Variants in TTN observed in about 807,000 individuals in gnomAD.
TTN encodes the protein connectin.
Under a neutral mutation model 3,223.0 loss-of-function variants are expected in TTN, and 1,525 were observed. The observed-to-expected ratio is 0.47, with a 90% confidence interval of 0.45 to 0.49. The LOEUF is 0.49. Ranked by LOEUF, TTN falls within the 20% of genes least tolerant of loss-of-function variation. The probability of loss-of-function intolerance (pLI) is 0.00; values close to 1 mark genes in which losing one functional copy is unlikely to be tolerated. For missense variants in TTN, 40,786 were observed against 43,424.0 expected, an observed-to-expected ratio of 0.94 and a Z score of 5.40; for synonymous variants, 14,094 against 15,161.0, an observed-to-expected ratio of 0.93 and a Z score of 5.17.
At position 178,639,805 on chromosome 2, in the gene TTN, A is replaced by AT; in HGVS notation, c.40787-18dup. On this transcript the variant is annotated splice_polypyrimidine_tract_variant and intron_variant, in intron 222 of 362. Transcript: ENST00000589042. ...TTTTCACTTCTGTAGAGAGAAGTCC[A>AT]TTGCATTAGTGTATCAATTTGTCAC... 1.3e-6 allele frequency: 2 copies of AT among 1,565,462 alleles called. No homozygotes were observed. Among genetic ancestry groups the AT allele is most frequent in the Non-Finnish European group, 1.7e-6 (2 of 1,160,296 alleles).
Position 178,683,888 on chromosome 2 carries a change from G to T in TTN, c.32806+111C>A, listed in dbSNP as rs143658013. ...TGATATGCATTAACAAACTTATATT[G>T]CTTACTTTATACTATGTCTTTTTTT... is the stretch of plus-strand genomic sequence containing the variant. On this transcript the variant is annotated intron_variant, in intron 133 of 362. Coordinates refer to ENST00000589042, the MANE Select transcript of TTN (RefSeq NM_001267550.2). 1.2e-3 allele frequency: 822 copies of T among 708,988 alleles called. 10 individuals carry two copies. In the East Asian group the frequency reaches 0.023, roughly 20 times the overall value. The allele number at this position is 708,988 out of a possible 1,614,324, so 43.9% of individuals were successfully genotyped here. A position where few individuals can be genotyped will look rare whatever the true frequency, so the allele number is the denominator to read the frequency against.
intron 49 of TTN, 21 bp from the exon 50 acceptor site, chr2:178,736,095 G>A: frequency 6.5e-7 from 1 of 1,535,120 alleles, no homozygotes. Flanking sequence ...AATTTTTCCA[G>A]CATTACATTT....
At chr2:178,693,788 C>A in intron 118 of TTN, 99 bp from the exon 119 acceptor site, 1 of 1,241,074 alleles carries the variant, frequency 8.1e-7, no homozygotes, top group Non-Finnish European at 1.1e-6. Flanking sequence ...CAGAGACAAA[C>A]ATGAAATGAA....
rs2054482101 is a variant in TTN at position 178,605,153 on chromosome 2, T to C, written c.54024A>G (p.Glu18008=). 1.3e-5 allele frequency: 21 copies of C among 1,612,592 alleles called. No individual in the cohort carries two copies. Among genetic ancestry groups the C allele is most frequent in the Non-Finnish European group, 1.8e-5 (21 of 1,179,166 alleles). The change falls in exon 280 of 363, where the codon GAA becomes GAG. Residue 18008 remains glutamate (E), a synonymous_variant. Transcript: ENST00000589042. ...IEWSKNETVI[E]KPTDALQITK... ...TTATCTGAAGTGCATCAGTGGGTTTTTCAATTACAGTTTCATTTTTGGACC... is the reference window on the plus strand; with the variant it reads ...TTATCTGAAGTGCATCAGTGGGTTTCTCAATTACAGTTTCATTTTTGGACC...
Position 178,579,834 on chromosome 2 carries a change from C to G in TTN, c.67363G>C (p.Val22455Leu), listed in dbSNP as rs759848349. 3.1e-6 allele frequency: 5 copies of G among 1,613,086 alleles called. No homozygotes were observed. Among genetic ancestry groups the G allele is most frequent in the South Asian group, 1.1e-5 (1 of 91,050 alleles). The change falls in exon 319 of 363, where the codon GTT (valine) becomes CTT (leucine). Residue 22455 changes from valine (V) to leucine (L), a missense_variant. Transcript: ENST00000589042. ...AVKASQTPGP[V>L]VDLKVRSVSK... Reference sequence around the variant, plus strand: ...ACAGACCTCACTTTCAGGTCCACAACTGGTCCAGGAGTTTCTAAAGCAAAG... The same window carrying G: ...ACAGACCTCACTTTCAGGTCCACAAGTGGTCCAGGAGTTTCTAAAGCAAAG...
chr2:178,644,428 G>A, intron 218 of TTN, 120 bp downstream of exon 218: 2 of 718,882 alleles, frequency 2.8e-6, no homozygotes, highest in East Asian at 3.2e-5. Context: ...TATAAGAAAT[G>A]AATGGGACTA....
At chr2:178,748,136 A>G (rs1287989939) in intron 47 of TTN, 3 of 1,613,216 alleles carry the variant, frequency 1.9e-6, no homozygotes, top group Admixed American at 1.7e-5. Context: ...TCCATTTTCT[A>G]GAGGACAACT....
At chr2:178,721,519 G>A (rs1307949086) in intron 78 of TTN, among the ~76,000 whole-genome samples, 5 of 151,680 alleles carry the variant, frequency 3.3e-5, no homozygotes, top group Non-Finnish European at 7.4e-5. Flanking sequence ...ATGTATTATA[G>A]ATGTATTTGA....
At position 178,573,806 on chromosome 2, in the gene TTN, C is replaced by G. The variant is rs1165671355; in HGVS notation, c.72326G>C (p.Gly24109Ala). ...AYTLTATNPG[G>A]FAKHIFNVKV... ...GACATTGAAAATGTGTTTAGCAAAG[C>G]CACCAGGATTAGTCGCTGTAAGGGT... Residue 24109 changes from glycine (G) to alanine (A), a missense_variant, in exon 326 of 363, where the codon GGC becomes GCC. By Grantham distance (60) the Gly-to-Ala change is moderately conservative. Transcript: ENST00000589042. 3 of 1,611,122 alleles carry G rather than the reference C, an allele frequency of 1.9e-6. No homozygotes were observed. The highest frequency in any genetic ancestry group is 2.5e-6 in the Non-Finnish European group (3 of 1,178,204).
At chr2:178,650,100 A>G (rs1185297813) in intron 210 of TTN, 64 bp downstream of exon 210, 5 of 1,452,490 alleles carry the variant, frequency 3.4e-6, no homozygotes, top group Non-Finnish European at 4.7e-6. Flanking sequence ...TGCCTTAAGG[A>G]AGATATATAG....
At position 178,580,481 on chromosome 2, in the gene TTN, CAT is replaced by C; in HGVS notation, c.66896_66897del (p.Asn22299SerfsTer15). 1 of 1,613,006 alleles carries C rather than the reference CAT, an allele frequency of 6.2e-7. No homozygotes were observed. The highest frequency in any genetic ancestry group is 8.5e-7 in the Non-Finnish European group (1 of 1,179,388). ...PPPKITWSKPNVNLRDRIGLD... is the reference protein window; with the variant it reads ...PPPKITWSKPXVNLRDRIGLD... ...AGTCCAATCCTGTCTCTTAGATTGACATTTGGTTTAGACCAAGTAATCTTTGG... is the reference window on the plus strand; with the variant it reads ...AGTCCAATCCTGTCTCTTAGATTGACTTGGTTTAGACCAAGTAATCTTTGG... On this transcript the variant is annotated frameshift_variant, in exon 317 of 363. Transcript: ENST00000589042. LOFTEE classifies it high-confidence loss of function.
chr2:178,595,548 A>G lies in TTN; in HGVS notation c.57806T>C (p.Phe19269Ser). The change falls in exon 295 of 363, where the codon TTT becomes TCT. Residue 19269 changes from phenylalanine (F) to serine (S), a missense_variant. Phe to Ser is a radical substitution (Grantham distance 155, BLOSUM62 -2). Coordinates refer to ENST00000589042, the MANE Select transcript of TTN (RefSeq NM_001267550.2). ...AAENSIGMGP[F>S]VETSEALVIR... is the part of the protein sequence containing the mutation. ...AACAAGTGCCTCTGATGTCTCAACAAATGGACCCATGCCAATACTATTTTC... is the reference window on the plus strand; with the variant it reads ...AACAAGTGCCTCTGATGTCTCAACAGATGGACCCATGCCAATACTATTTTC... 2 of 1,567,898 alleles carry G rather than the reference A, an allele frequency of 1.3e-6. No homozygotes were observed. The highest frequency in any genetic ancestry group is 1.7e-6 in the Non-Finnish European group (2 of 1,154,878).
rs1437200210 is a variant in TTN, at chr2:178,704,763, G to C, written c.29709C>G (p.Ile9903Met). 3 of 1,609,858 alleles carry C rather than the reference G, an allele frequency of 1.9e-6. No homozygotes were observed. The highest frequency in any genetic ancestry group is 2.7e-5 in the African/African-American group (2 of 74,872). Residue 9903 changes from isoleucine to methionine, a missense_variant, in exon 105 of 363, where the codon ATC becomes ATG. Transcript: ENST00000589042. ...RLSQTEPVTL[I>M]KDIENQTVLK... ...AAACTGTCTGATTTTCAATGTCCTT[G>C]ATCAGAGTGACAGGCTAGGAGAATA...
chr2:178,579,472 G>A (rs890445070), intron 319 of TTN, 79 bp from the exon 320 acceptor site: 9 of 1,568,126 alleles, frequency 5.7e-6, no homozygotes, highest in African/African-American at 4.1e-5. Flanking sequence ...AGCTTTTAAC[G>A]GATTTTTAGA....
At chr2:178,558,764 CT>C in intron 326 of TTN, 127 bp from the exon 327 acceptor site, 1 of 1,073,382 alleles carries the variant, frequency 9.3e-7, no homozygotes, top group Non-Finnish European at 1.3e-6. Context: ...TTTAGTCTTC[CT>C]TTTTACATAA....
In TTN at chr2:178,636,025, G is replaced by A. The variant is rs759603723; in HGVS notation, c.41546C>T (p.Thr13849Ile). The A allele has an allele frequency of 6.2e-7, 1 of 1,613,122 alleles. No homozygotes were observed. Among genetic ancestry groups the A allele is most frequent in the Admixed American group, 1.7e-5 (1 of 59,982 alleles). ...INDADDTDAG[T>I]YTVTVENANN... The stretch of plus-strand genomic sequence containing the variant: ...GGCGTTTTCCACAGTAACTGTGTAT[G>A]TTCCAGCATCTGTGTCATCTGCATC... The change falls in exon 226 of 363, where the codon ACA becomes ATA. Residue 13849 changes from threonine (T) to isoleucine (I), a missense_variant. Coordinates refer to ENST00000589042, the MANE Select transcript of TTN (RefSeq NM_001267550.2). This position sits in a 1 kb window ranked among gnomAD's most constrained non-coding sequence, Gnocchi z 4.3.
Position 178,800,595 on chromosome 2 carries a change from G to C in TTN, c.383C>G (p.Thr128Ser), listed in dbSNP as rs769628564. 1 of 1,614,016 alleles carries C rather than the reference G, an allele frequency of 6.2e-7. No individual in the cohort carries two copies. The highest frequency in any genetic ancestry group is 1.1e-5 in the South Asian group (1 of 91,060). Residue 128 changes from threonine to serine, a missense_variant, in exon 4 of 363, where the codon ACT becomes AGT. Transcript: ENST00000589042. The stretch of plus-strand genomic sequence containing the variant: ...CTTCACCACAGGTGTAGGGATTCCA[G>C]TCACTCTCACTTGGAGTCTCACTTG... ...GSQVRLQVRV[T>S]GIPTPVVKFY... is the part of the protein sequence containing the mutation.
intron 125 of TTN, 26 bp downstream of exon 125, chr2:178,689,027 T>C: frequency 8.8e-7 from 1 of 1,131,070 alleles, no homozygotes; most frequent in Non-Finnish European, 1.2e-6. Flanking sequence ...TTTTTTTTTT[T>C]GTCAGAGGAT....
At position 178,613,818 on chromosome 2, in the gene TTN, T is replaced by G. The variant is rs748959693; in HGVS notation, c.49465A>C (p.Arg16489=). 1.4e-5 allele frequency: 23 copies of G among 1,612,582 alleles called. No individual in the cohort carries two copies. The South Asian group carries it at 2.5e-4, about 18-fold the overall frequency. Residue 16489 remains arginine, a synonymous_variant, in exon 263 of 363, where the codon AGA becomes CGA. Transcript: ENST00000589042. ...CATTTATCTGTATCAGGATCCAGTC[T>G]TTCAACCCAGTATCCTGTGATTGGG... The part of the protein sequence containing the change: ...GSPITGYWVE[R]LDPDTDKWVR...
Sources: gnomAD v4.1 joint callset for allele counts (sites outside exome capture counted in the v4.1 genomes callset) on GRCh38, gnomAD v4.1.1 for gene constraint, Gnocchi (gnomAD v3.1) non-coding constraint, MANE v1.5 for transcripts, NCBI Gene and HGNC (gene_info 2026-07-23, HGNC 2026-07-21) for gene names.